The following ERICH2 variants were observed in gnomAD, a reference collection of about 807,000 sequenced individuals.
The protein encoded by ERICH2 is glutamate-rich protein 2.
In ERICH2, 17 loss-of-function variants were observed where a neutral mutation model predicts 17.4. The observed-to-expected ratio is 0.98, with a 90% CI of 0.67 to 1.47. The LOEUF (loss-of-function observed/expected upper bound fraction) is 1.47, where lower values mean the gene tolerates loss of function less well. ERICH2 is among the 40% of genes most tolerant of loss of function. The pLI is 0.00. For missense variants in ERICH2, 186 were observed against 183.2 expected, an observed-to-expected ratio of 1.01 and a Z score of -0.09; for synonymous variants, 51 against 61.1, an observed-to-expected ratio of 0.83 and a Z score of 0.77.
At chr2:170,795,558 G>C (rs1323255033) in intron 3 of ERICH2, among the ~76,000 whole-genome samples, 1 of 152,010 alleles carries the variant, frequency 6.6e-6, no homozygotes, top group Non-Finnish European at 1.5e-5. Flanking sequence ...ACATTGCCCA[G>C]GTTGGTCTCA....
the ERICH2 span, among the ~76,000 whole-genome samples, chr2:170,776,883 C>A: frequency 6.6e-6 from 1 of 151,850 alleles, no homozygotes; most frequent in East Asian, 1.9e-4. Flanking sequence ...GTATTAAGCT[C>A]AGTACCCCTT....
At chr2:170,783,097 AAAG>A (rs1028365483), upstream of ERICH2, 5 of 151,832 alleles carry the variant, frequency 3.3e-5, no homozygotes, top group African/African-American at 1.2e-4. Flanking sequence ...CCTGTCTCAA[AAAG>A]AAGTTTAAAA....
chr2:170,779,625 G>A (rs1053360652), upstream of ERICH2, among the ~76,000 whole-genome samples: 1 of 151,990 alleles, frequency 6.6e-6, no homozygotes, highest in Non-Finnish European at 1.5e-5. Flanking sequence ...AAGCTTTCAA[G>A]CATAAAGATT....
chr2:170,774,648 C>T, the ERICH2 span, among the ~76,000 whole-genome samples: 379 of 149,590 alleles, frequency 2.5e-3, 1 homozygote, highest in African/African-American at 8.4e-3. Flanking sequence ...TCACTGCAAC[C>T]TTCACCTTCA....
At chr2:170,784,369 C>G (rs1701100229) in intron 1 of ERICH2, among the ~76,000 whole-genome samples, 1 of 152,164 alleles carries the variant, frequency 6.6e-6, no homozygotes, top group East Asian at 1.9e-4. Context: ...ACTCACAGAT[C>G]TACCACTTAA....
chr2:170,786,279 A>G (rs987545395), intron 2 of ERICH2, among the ~76,000 whole-genome samples: 2 of 151,784 alleles, frequency 1.3e-5, no homozygotes, highest in African/African-American at 4.8e-5. Context: ...CATTTAAAAC[A>G]AATTTTTAGC....
chr2:170,797,389 C>T (rs1182584708), intron 3 of ERICH2, among the ~76,000 whole-genome samples: 1 of 152,156 alleles, frequency 6.6e-6, no homozygotes, highest in Non-Finnish European at 1.5e-5. Flanking sequence ...CCATATTTTG[C>T]AGAATTTGTA....
upstream of ERICH2, among the ~76,000 whole-genome samples, chr2:170,779,276 T>C (rs1362489): frequency 0.42 from 63,988 of 152,058 alleles, 14,623 homozygotes; most frequent in African/African-American, 0.59. Flanking sequence ...TGCTGCTGGC[T>C]TCATAGTCTG....
upstream of ERICH2, among the ~76,000 whole-genome samples, chr2:170,780,198 GTAGT>G (rs1296464498): frequency 6.6e-6 from 1 of 152,102 alleles, no homozygotes; most frequent in Non-Finnish European, 1.5e-5. Context: ...AGTTGTAATT[GTAGT>G]TAACAAAAAC....
intron 3 of ERICH2, among the ~76,000 whole-genome samples, chr2:170,797,691 C>T (rs534070362): frequency 2.0e-5 from 3 of 151,200 alleles, no homozygotes; most frequent in Non-Finnish European, 4.4e-5. Flanking sequence ...ACTCAGGAAA[C>T]TGAGGCACGA....
chr2:170,797,899 T>C, intron 3 of ERICH2, 142 bp from the exon 9 acceptor site: 1 of 597,112 alleles, frequency 1.7e-6, no homozygotes, highest in Non-Finnish European at 3.0e-6. Context: ...TACTCAGATA[T>C]ACCTGTGGTA....
chr2:170,773,174 G>C, the ERICH2 span, among the ~76,000 whole-genome samples: 3 of 152,082 alleles, frequency 2.0e-5, no homozygotes, highest in Non-Finnish European at 4.4e-5. Flanking sequence ...AAGGCAGTCT[G>C]GTCCCCAGGC....
At chr2:170,772,491 G>A in the ERICH2 span, among the ~76,000 whole-genome samples, 1 of 152,150 alleles carries the variant, frequency 6.6e-6, no homozygotes, top group African/African-American at 2.4e-5. Context: ...ATCACAGAGA[G>A]GTTAAGGAAT....
the ERICH2 span, among the ~76,000 whole-genome samples, chr2:170,776,900 C>T: frequency 2.0e-5 from 3 of 151,756 alleles, no homozygotes; most frequent in African/African-American, 7.3e-5. Flanking sequence ...CCTTAGTTAT[C>T]GTTTGTGCTT....
At chr2:170,776,196 A>G in the ERICH2 span, among the ~76,000 whole-genome samples, 1 of 152,248 alleles carries the variant, frequency 6.6e-6, no homozygotes, top group Non-Finnish European at 1.5e-5. Context: ...TAGAGAAAAC[A>G]TTGTACCTTT....
At chr2:170,772,333 A>G in the ERICH2 span, among the ~76,000 whole-genome samples, 1 of 152,230 alleles carries the variant, frequency 6.6e-6, no homozygotes, top group Non-Finnish European at 1.5e-5. Context: ...TAACAATAGT[A>G]TAGGAGGAGG....
At chr2:170,782,474 CTG>C (rs1701051854), upstream of ERICH2, 2 of 563,628 alleles carry the variant, frequency 3.5e-6, no homozygotes, top group Admixed American at 6.4e-5. Context: ...ACTGACAACT[CTG>C]TAGATCTGGG....
intron 3 of ERICH2, among the ~76,000 whole-genome samples, chr2:170,796,684 G>T (rs1333435310): frequency 1.3e-5 from 2 of 152,010 alleles, no homozygotes; most frequent in African/African-American, 4.8e-5. Context: ...TGATCCACCT[G>T]CCTCAGCCTC....
chr2:170,774,564 C>CTTTTTTTTTTTT, the ERICH2 span, among the ~76,000 whole-genome samples: 2 of 98,572 alleles, frequency 2.0e-5, no homozygotes, highest in African/African-American at 1.1e-4. Context: ...AGAGCCCCAT[C>CTTTTTTTTTTTT]TTTTTTTTTT....
Sources: allele counts gnomAD v4.1 joint callset (sites outside exome capture counted in the v4.1 genomes callset), GRCh38; gene constraint gnomAD v4.1.1; transcripts MANE v1.5; gene names NCBI Gene and HGNC (gene_info 2026-07-23, HGNC 2026-07-21).